ACVR1: variants seen among roughly 807,000 people sequenced by gnomAD.
The protein encoded by ACVR1 is activin receptor type-1.
ACVR1 carries 38 observed loss-of-function variants against 57.1 expected under a neutral mutation model. The observed-to-expected ratio is 0.67, with a 90% confidence interval of 0.51 to 0.87. The LOEUF (loss-of-function observed/expected upper bound fraction) is 0.87. Ranked by LOEUF, ACVR1 falls within the 40% of genes least tolerant of loss-of-function variation. The pLI is 0.00. For missense variants in ACVR1, 463 were observed against 638.2 expected (o/e 0.73, Z 2.96); for synonymous variants, 212 against 228.1 (o/e 0.93, Z 0.63).
chr2:157,872,570 GA>G (rs1280588806), intron 1 of ACVR1, among the ~76,000 whole-genome samples: 2 of 152,188 alleles, frequency 1.3e-5, no homozygotes, highest in East Asian at 3.8e-4. Flanking sequence ...AATAGGGGAG[GA>G]GGGGGACATA....
intron 1 of ACVR1, among the ~76,000 whole-genome samples, chr2:157,834,178 G>A (rs1049124832): frequency 1.3e-5 from 2 of 152,156 alleles, no homozygotes; most frequent in Non-Finnish European, 2.9e-5. Context: ...TGCAACCTCT[G>A]CCTCCCGAAT....
intron 1 of ACVR1, among the ~76,000 whole-genome samples, chr2:157,846,897 A>T (rs190924981): frequency 2.0e-4 from 30 of 152,328 alleles, no homozygotes; most frequent in Admixed American, 9.1e-4. Flanking sequence ...GAGAAAACAT[A>T]ACATGTGCTA....
At chr2:157,820,814 G>A (rs1445084510) in intron 1 of ACVR1, among the ~76,000 whole-genome samples, 2 of 152,032 alleles carry the variant, frequency 1.3e-5, no homozygotes, top group Admixed American at 6.6e-5. Flanking sequence ...TGGGTTTCTC[G>A]AAACCAATTC....
chr2:157,781,554 T>C (rs1686525975), intron 3 of ACVR1, among the ~76,000 whole-genome samples: 2 of 152,148 alleles, frequency 1.3e-5, no homozygotes, highest in South Asian at 2.1e-4. Context: ...ATATGGAGAA[T>C]GAGGGCACAA....
intron 3 of ACVR1, among the ~76,000 whole-genome samples, chr2:157,782,126 G>C (rs112165578): frequency 1.2e-4 from 19 of 152,120 alleles, no homozygotes; most frequent in Non-Finnish European, 2.2e-4. Context: ...GTGTAGAGAT[G>C]TGGGTTATCT....
chr2:157,755,559 A>ATACCG (rs1337315749), intron 9 of ACVR1, among the ~76,000 whole-genome samples: 7 of 128,142 alleles, frequency 5.5e-5, no homozygotes, highest in African/African-American at 2.1e-4. Context: ...ATACCATACC[A>ATACCG]TACCATACCG....
rs111883487 is a variant in ACVR1, at chr2:157,840,031, G to A, written c.-182-21472C>T. Among the ~76,000 whole-genome samples, 302 of 152,290 alleles carry A rather than the reference G, an allele frequency of 2.0e-3. 3 individuals carry two copies. Among genetic ancestry groups the A allele is most frequent in the African/African-American group, 6.7e-3 (278 of 41,554 alleles). ...TGGATTCCAGGGTGTGACGTGACCT[G>A]AGCCCACCCAATCAGAGTGACTCTT... On this transcript the variant is annotated intron_variant, in intron 1 of 10. Transcript: ENST00000434821.
chr2:157,809,935 G>A (rs1687694439), intron 2 of ACVR1, among the ~76,000 whole-genome samples: 1 of 152,034 alleles, frequency 6.6e-6, no homozygotes, highest in Non-Finnish European at 1.5e-5. Context: ...AATTGGCCAA[G>A]CGTGTTGGTG....
chr2:157,761,032 C>G lies in ACVR1; in HGVS notation c.1112G>C (p.Gly371Ala), dbSNP rs2105252608. The change falls in exon 9 of 11, where the codon GGG becomes GCG. Residue 371 changes from glycine (G) to alanine (A), a missense_variant. Physicochemically the swap from Gly to Ala is moderately conservative, Grantham distance 60. This residue lies in a region of ACVR1 where 146 missense variants were observed against 186.6 expected (regional missense o/e 0.78). Coordinates refer to ENST00000434821, the MANE Select transcript of ACVR1 (RefSeq NM_001111067.4). The stretch of plus-strand genomic sequence containing the variant: ...CTTGGTGCCCACACGGGGATTGTTC[C>G]CCACATCAAGCTGATTGGTGCTCTG... ...HSQSTNQLDVGNNPRVGTKRY... is the reference protein window; with the variant it reads ...HSQSTNQLDVANNPRVGTKRY... 6.2e-7 allele frequency: 1 copy of G among 1,614,064 alleles called. No individual in the cohort carries two copies. The highest frequency in any genetic ancestry group is 2.2e-5 in the East Asian group (1 of 44,870).
In ACVR1 at chr2:157,755,601, TAACC is replaced by T. The variant is rs1347608360; in HGVS notation, c.1264+5275_1264+5278del. 4.0e-5 allele frequency among the ~76,000 whole-genome samples: 6 copies of T among 151,798 alleles called. No homozygotes were observed. The East Asian group carries it at 9.6e-4, about 24-fold the overall frequency. ...ACAATACAATACTTAGGAATATACC[TAACC>T]AAGGAAGCAGAAGATCTCTACAAGG... is the stretch of plus-strand genomic sequence containing the variant. On this transcript the variant is annotated intron_variant, in intron 9 of 10. Transcript: ENST00000434821.
At chr2:157,850,246 T>C (rs1418872159) in intron 1 of ACVR1, among the ~76,000 whole-genome samples, 1 of 151,964 alleles carries the variant, frequency 6.6e-6, no homozygotes, top group African/African-American at 2.4e-5. Context: ...AAAACTTAGC[T>C]AGGTGTGGTG....
At chr2:157,806,942 T>C (rs1451909761) in intron 2 of ACVR1, 2 of 152,156 alleles carry the variant, frequency 1.3e-5, no homozygotes, top group Non-Finnish European at 1.5e-5. Context: ...TGAATACAAA[T>C]AGCTTCTTGG....
rs376144674 is a variant in ACVR1, at chr2:157,791,990, A to C, written c.67+7437T>G. Among the ~76,000 whole-genome samples the C allele has an allele frequency of 5.9e-5, 9 of 152,166 alleles. No individual in the cohort carries two copies. In the East Asian group the frequency reaches 9.6e-4, roughly 16 times the overall value. On this transcript the variant is annotated intron_variant, in intron 3 of 10. Coordinates refer to ENST00000434821, the MANE Select transcript of ACVR1 (RefSeq NM_001111067.4). ...CATTCTTTGTAACTTTTCTGAATGA[A>C]TCTGTTTTGCTGTTGTTTTTCAACT...
chr2:157,765,341 TTC>T (rs1367434842), intron 8 of ACVR1, among the ~76,000 whole-genome samples: 1 of 152,242 alleles, frequency 6.6e-6, no homozygotes, highest in Non-Finnish European at 1.5e-5. Flanking sequence ...GATAAACTAA[TTC>T]TATAGAGTAT....
chr2:157,765,857 A>G, intron 8 of ACVR1, 64 bp downstream of exon 8: 1 of 1,548,578 alleles, frequency 6.5e-7, no homozygotes, highest in Non-Finnish European at 8.9e-7. Flanking sequence ...GGAGAGATGC[A>G]ACTCACCTAA....
intron 1 of ACVR1, among the ~76,000 whole-genome samples, chr2:157,849,250 G>GT (rs1559092691): frequency 1.3e-5 from 2 of 152,098 alleles, no homozygotes; most frequent in African/African-American, 2.4e-5. Flanking sequence ...CTTAATTTCT[G>GT]TACCTATCAC....
intron 1 of ACVR1, 91 bp from the exon 2 acceptor site, chr2:157,818,650 C>T (rs1012776093): frequency 3.9e-5 from 6 of 152,170 alleles, no homozygotes; most frequent in African/African-American, 1.2e-4. Context: ...ACATTTGGCA[C>T]GCCTTTCAAT....
chr2:157,788,168 C>T (rs910936528), intron 3 of ACVR1, among the ~76,000 whole-genome samples: 5 of 152,176 alleles, frequency 3.3e-5, no homozygotes, highest in Admixed American at 1.3e-4. Flanking sequence ...TATCCTGCCC[C>T]ACAGAAAAGC....
At chr2:157,825,916 G>A (rs188569534) in intron 1 of ACVR1, among the ~76,000 whole-genome samples, 3 of 152,320 alleles carry the variant, frequency 2.0e-5, no homozygotes, top group Admixed American at 2.0e-4. Flanking sequence ...AGACTTCTCT[G>A]GTAATTAGAT....
Sources: gnomAD v4.1 joint callset for allele counts (sites outside exome capture counted in the v4.1 genomes callset) on GRCh38, gnomAD v4.1.1 for gene constraint, gnomAD v4.1.1 regional missense constraint, MANE v1.5 for transcripts, NCBI Gene and HGNC (gene_info 2026-07-23, HGNC 2026-07-21) for gene names.